The following DSN1 variants were observed in gnomAD, a reference collection of about 807,000 sequenced individuals.
DSN1 encodes kinetochore-associated protein DSN1 homolog.
A neutral mutation model predicts 45.7 loss-of-function variants in DSN1; 31 were observed. The ratio of observed to expected loss-of-function variants is 0.68; its 90% CI spans 0.51 to 0.92. DSN1 has a LOEUF of 0.92. Ranked by LOEUF, DSN1 falls within the 40% of genes least tolerant of loss-of-function variation. The pLI, the probability that DSN1 is intolerant of heterozygous loss-of-function variation, is 0.00. For synonymous variants in DSN1, 134 were observed against 142.3 expected (o/e 0.94, Z 0.41); for missense variants, 394 against 414.2 (o/e 0.95, Z 0.42).
In DSN1 at chr20:36,758,637, A is replaced by G. The variant is rs757893946; in HGVS notation, c.591-20T>C. ...GCTTTTCTGGAAAACAGATAGGATT[A>G]TGACATAAATCTTTCAAGAAATATT... On this transcript the variant is annotated intron_variant, in intron 6 of 10. Transcript: ENST00000373750. 1.3e-6 allele frequency: 2 copies of G among 1,594,360 alleles called. No individual in the cohort carries two copies. Among genetic ancestry groups the G allele is most frequent in the Admixed American group, 1.8e-5 (1 of 56,356 alleles).
chr20:36,767,936 C>T (rs374023854), intron 4 of DSN1, 33 bp downstream of exon 4: 1 of 1,606,840 alleles, frequency 6.2e-7, no homozygotes, highest in African/African-American at 1.3e-5. Flanking sequence ...AGTTAACAAA[C>T]ACAAAAACAT....
chr20:36,771,416 A>G lies in DSN1; in HGVS notation c.34+9T>C. Reference sequence around the variant, plus strand: ...GGTAAGAGGTACTGAATTTCACTACAATACTTACCATCTATGATCTCTGAT... The same window carrying G: ...GGTAAGAGGTACTGAATTTCACTACGATACTTACCATCTATGATCTCTGAT... On this transcript the variant is annotated intron_variant, in intron 2 of 10. Transcript: ENST00000373750. 6.2e-7 allele frequency: 1 copy of G among 1,613,404 alleles called. No homozygotes were observed. Among genetic ancestry groups the G allele is most frequent in the Middle Eastern group, 1.6e-4 (1 of 6,062 alleles).
intron 6 of DSN1, among the ~76,000 whole-genome samples, chr20:36,759,056 T>C (rs113937990): frequency 6.6e-6 from 1 of 150,830 alleles, no homozygotes; most frequent in Admixed American, 6.6e-5. Flanking sequence ...AATCTCGGCT[T>C]GCTGCAACCT....
At chr20:36,757,313 G>A (rs1986726118) in intron 8 of DSN1, among the ~76,000 whole-genome samples, 1 of 151,780 alleles carries the variant, frequency 6.6e-6, no homozygotes, top group African/African-American at 2.4e-5. Context: ...CCGAGATCGT[G>A]CCACTGCATT....
intron 3 of DSN1, among the ~76,000 whole-genome samples, chr20:36,769,902 TACACACACACAC>T (rs66970744): frequency 0.1 from 11,816 of 117,272 alleles, 563 homozygotes; most frequent in Admixed American, 0.13. Flanking sequence ...TCACTGTAGA[TACACACACACAC>T]ACACACACAC....
Position 36,761,480 on chromosome 20 carries a change from TC to T in DSN1, c.590+980del, listed in dbSNP as rs559572815. ...TGGGTGTGGGGGCTCATGGCTGTAA[TC>T]CCAGCACTTTGGGAGGCAGAGGCAG... On this transcript the variant is annotated intron_variant, in intron 6 of 10. Coordinates refer to ENST00000373750, the MANE Select transcript of DSN1 (RefSeq NM_001145315.2). Among the ~76,000 whole-genome samples, 307 of 152,258 alleles carry T rather than the reference TC, an allele frequency of 2.0e-3. 1 individual carries two copies. The highest frequency in any genetic ancestry group is 3.7e-3 in the Non-Finnish European group (250 of 68,012).
At chr20:36,773,534 G>T (rs1256871037) in intron 1 of DSN1, 128 bp downstream of exon 1, 3 of 985,952 alleles carry the variant, frequency 3.0e-6, no homozygotes, top group Non-Finnish European at 2.4e-6. Context: ...GGTCGGGGCC[G>T]GGGCTGCGGC....
At chr20:36,755,470 ACTGT>A (rs1220488232) in intron 9 of DSN1, among the ~76,000 whole-genome samples, 1 of 151,588 alleles carries the variant, frequency 6.6e-6, no homozygotes, top group Non-Finnish European at 1.5e-5. Context: ...ACCTCCCTAT[ACTGT>A]CTGTCTCTCT....
At chr20:36,757,515 T>G (rs1181239090) in intron 8 of DSN1, among the ~76,000 whole-genome samples, 1 of 151,872 alleles carries the variant, frequency 6.6e-6, no homozygotes, top group East Asian at 1.9e-4. Flanking sequence ...GGAGGCAGAG[T>G]GAGCTCAGAT....
chr20:36,752,036 TTTTTTTTTCA>T lies in DSN1; in HGVS notation c.*742_*751del, dbSNP rs1986408483. On this transcript the variant is annotated 3_prime_UTR_variant, in exon 11 of 11. Transcript: ENST00000373750. ...CAATGATGCAAATAATGCTCAAAAC[TTTTTTTTTCA>T]TTTTTTTACAATTTTTAATTTTTTT... is the stretch of plus-strand genomic sequence containing the variant. 1 of 151,070 alleles carries T rather than the reference TTTTTTTTTCA, an allele frequency of 6.6e-6. No homozygotes were observed. Among genetic ancestry groups the T allele is most frequent in the Non-Finnish European group, 1.5e-5 (1 of 67,720 alleles). 9.4% of individuals were successfully genotyped at this position (151,070 alleles called of 1,614,324 possible).
At chr20:36,769,336 A>G (rs1987512776) in intron 3 of DSN1, among the ~76,000 whole-genome samples, 1 of 152,228 alleles carries the variant, frequency 6.6e-6, no homozygotes, top group Admixed American at 6.5e-5. Context: ...GAAAAACAGG[A>G]TACTTTCTGC....
chr20:36,764,920 A>G (rs1379317540), intron 5 of DSN1, among the ~76,000 whole-genome samples: 2 of 140,678 alleles, frequency 1.4e-5, no homozygotes, highest in African/African-American at 5.5e-5. Context: ...ACTCCATCTC[A>G]AAAAAAAAAA....
chr20:36,757,834 T>C (rs1421219509), intron 8 of DSN1, among the ~76,000 whole-genome samples: 1 of 152,214 alleles, frequency 6.6e-6, no homozygotes, highest in African/African-American at 2.4e-5. Flanking sequence ...TCCCCCAGGA[T>C]ATGAAATGTT....
intron 3 of DSN1, among the ~76,000 whole-genome samples, chr20:36,769,954 CAG>C (rs1386580365): frequency 7.9e-5 from 8 of 101,734 alleles, no homozygotes; most frequent in African/African-American, 1.7e-4. Flanking sequence ...GAGAGAGAGA[CAG>C]AGAGAGAAAG....
chr20:36,771,281 C>T, intron 2 of DSN1, 88 bp from the exon 3 acceptor site: 4 of 1,492,626 alleles, frequency 2.7e-6, no homozygotes, highest in Non-Finnish European at 3.6e-6. Context: ...AATGTATGCC[C>T]CTAGATCGTG....
chr20:36,763,885 CAAAAAAAAAAAAAAAA>C (rs148628979), intron 5 of DSN1, among the ~76,000 whole-genome samples: 14 of 37,462 alleles, frequency 3.7e-4, no homozygotes, highest in Non-Finnish European at 5.6e-4. Flanking sequence ...AACTCTGTCT[CAAAAAAAAAAAAAAAA>C]AAAAAAAAAA....
chr20:36,754,682 A>C, intron 10 of DSN1, 81 bp downstream of exon 10: 1 of 1,177,944 alleles, frequency 8.5e-7, no homozygotes, highest in Non-Finnish European at 1.3e-6. Flanking sequence ...CTTGGACCAT[A>C]GGCTTTGAAG....
At chr20:36,763,490 TGGGCATAGCC>T (rs1987129879) in intron 5 of DSN1, among the ~76,000 whole-genome samples, 1 of 150,332 alleles carries the variant, frequency 6.7e-6, no homozygotes, top group South Asian at 2.1e-4. Flanking sequence ...TAAAAAATTA[TGGGCATAGCC>T]GGGCATAGTG....
At chr20:36,771,605 A>AGG in intron 1 of DSN1, 132 bp from the exon 2 acceptor site, 1 of 699,846 alleles carries the variant, frequency 1.4e-6, no homozygotes, top group Non-Finnish European at 2.4e-6. Flanking sequence ...CCTCCCTGAC[A>AGG]GAGAATATCA....
Sources: allele counts gnomAD v4.1 joint callset (sites outside exome capture counted in the v4.1 genomes callset), GRCh38; gene constraint gnomAD v4.1.1; transcripts MANE v1.5; gene names NCBI Gene and HGNC (gene_info 2026-07-23, HGNC 2026-07-21).